FCGR2B: variants seen among roughly 807,000 people sequenced by gnomAD.
The protein encoded by FCGR2B is low affinity immunoglobulin gamma Fc region receptor II-b.
Under a neutral mutation model 24.8 loss-of-function variants are expected in FCGR2B, and 18 were observed. That is an observed-to-expected ratio of 0.73 (90% CI 0.50 to 1.08). The LOEUF (loss-of-function observed/expected upper bound fraction) is 1.08. Among genes scored for constraint, FCGR2B ranks in the 50% least tolerant of loss-of-function variants. The pLI is 0.00. For missense variants in FCGR2B, 215 were observed against 297.6 expected, an observed-to-expected ratio of 0.72 and a Z score of 2.04; for synonymous variants, 79 against 109.8, an observed-to-expected ratio of 0.72 and a Z score of 1.75.
At chr1:161,662,213 T>TG (rs1681151723), upstream of FCGR2B, among the ~76,000 whole-genome samples, 1 of 109,344 alleles carries the variant, frequency 9.1e-6, no homozygotes, top group Non-Finnish European at 1.8e-5. Flanking sequence ...TGCTAATATC[T>TG]GGGGGCATAT....
the FCGR2B span, among the ~76,000 whole-genome samples, chr1:161,654,409 A>G: frequency 2.9e-5 from 4 of 136,728 alleles, 1 homozygote; most frequent in Non-Finnish European, 5.1e-5. Flanking sequence ...CCTTTCCTCC[A>G]GGTGTAATGG....
upstream of FCGR2B, among the ~76,000 whole-genome samples, chr1:161,661,194 GAAA>G (rs1196409718): frequency 2.2e-4 from 2 of 9,026 alleles, no homozygotes; most frequent in Non-Finnish European, 4.2e-4. Context: ...AGAAAGGAAA[GAAA>G]GAAAGAAAGA....
the FCGR2B span, among the ~76,000 whole-genome samples, chr1:161,647,387 G>A: frequency 1.2e-4 from 17 of 138,780 alleles, 1 homozygote; most frequent in East Asian, 2.9e-3. Flanking sequence ...TGCAACCCCC[G>A]CCTGCCGGGT....
In FCGR2B at chr1:161,672,936, A is replaced by G. The variant is rs781589036; in HGVS notation, c.392-39A>G. The G allele has an allele frequency of 3.7e-6, 6 of 1,612,406 alleles. No individual in the cohort carries two copies. The East Asian group carries it at 1.1e-4, about 30-fold the overall frequency. On this transcript the variant is annotated intron_variant, in intron 3 of 7. Transcript: ENST00000358671. ...AGATCTGGGTCTCAGAGCTGAGCCA[A>G]GACCTCCCGGGTCCTCTGCGGTTTT...
chr1:161,654,676 T>G, the FCGR2B span, among the ~76,000 whole-genome samples: 1 of 133,724 alleles, frequency 7.5e-6, no homozygotes, highest in Non-Finnish European at 1.7e-5. Context: ...ATTAAAAATT[T>G]TAGCTGAATT....
chr1:161,649,276 G>C, the FCGR2B span, among the ~76,000 whole-genome samples: 1 of 150,866 alleles, frequency 6.6e-6, no homozygotes, highest in African/African-American at 2.5e-5. Context: ...TTACTTTTTT[G>C]CATGCTATCA....
rs1571036649 is a variant in FCGR2B at position 161,678,440 on chromosome 1, C to T, written c.*887C>T. Reference sequence around the variant, plus strand: ...TGTAGCCTAGGGGCAATAGGCTATACGCTACAGCCTAGGTGTGTAGTAGGC... The same window carrying T: ...TGTAGCCTAGGGGCAATAGGCTATATGCTACAGCCTAGGTGTGTAGTAGGC... On this transcript the variant is annotated 3_prime_UTR_variant, in exon 8 of 8. Coordinates refer to ENST00000358671, the MANE Select transcript of FCGR2B (RefSeq NM_001394477.1). 1.8e-5 allele frequency: 4 copies of T among 217,874 alleles called. No homozygotes were observed. Among genetic ancestry groups the T allele is most frequent in the East Asian group, 6.7e-5 (1 of 14,884 alleles). The allele number at this position is 217,874 out of a possible 1,614,324, so 13.5% of individuals were successfully genotyped here. A position where few individuals can be genotyped will look rare whatever the true frequency, so the allele number is the denominator to read the frequency against.
chr1:161,654,247 G>T, the FCGR2B span, among the ~76,000 whole-genome samples: 1 of 129,998 alleles, frequency 7.7e-6, no homozygotes, highest in African/African-American at 2.5e-5. Context: ...TTCTGTCCCT[G>T]GATCTTGAGG....
the FCGR2B span, among the ~76,000 whole-genome samples, chr1:161,650,890 C>G: frequency 1.9e-5 from 2 of 105,624 alleles, no homozygotes. Flanking sequence ...TCTCCTTCCC[C>G]CTCCAGTTCT....
the FCGR2B span, among the ~76,000 whole-genome samples, chr1:161,648,133 G>A: frequency 3.3e-5 from 5 of 149,862 alleles, no homozygotes; most frequent in African/African-American, 4.9e-5. Flanking sequence ...TGACAAGACC[G>A]CAATATACCT....
the FCGR2B span, among the ~76,000 whole-genome samples, chr1:161,655,240 C>G: frequency 6.6e-6 from 1 of 151,372 alleles, no homozygotes; most frequent in African/African-American, 2.4e-5. Context: ...TACAATCTCT[C>G]CTTGTTCTAA....
At chr1:161,672,672 A>C in intron 3 of FCGR2B, 1 of 470,990 alleles carries the variant, frequency 2.1e-6, no homozygotes, top group Non-Finnish European at 3.8e-6. Context: ...AAAAGGCTGC[A>C]GCTGCCTTCC....
Position 161,671,400 on chromosome 1 carries a change from C to A in FCGR2B, c.142C>A (p.Pro48Thr). The A allele has an allele frequency of 6.2e-7, 1 of 1,614,180 alleles. No individual in the cohort carries two copies. Among genetic ancestry groups the A allele is most frequent in the South Asian group, 1.1e-5 (1 of 91,084 alleles). ...CTCTCTCTGCCCCTCAGCAGCTCCC[C>A]CAAAGGCTGTGCTGAAACTCGAGCC... is the stretch of plus-strand genomic sequence containing the variant. ...APVAGTPAAPPKAVLKLEPQW... is the reference protein window; with the variant it reads ...APVAGTPAAPTKAVLKLEPQW... The change falls in exon 3 of 8, where the codon CCA (proline) becomes ACA (threonine). Residue 48 changes from proline (P) to threonine (T), a missense_variant. Pro to Thr is a conservative substitution (Grantham distance 38). Around this residue, in one of 5 missense-constraint regions of FCGR2B, gnomAD observed 77 missense variants for 68.8 expected, o/e 1.12. Coordinates refer to ENST00000358671, the MANE Select transcript of FCGR2B (RefSeq NM_001394477.1).
In FCGR2B at chr1:161,673,088, G is replaced by A; in HGVS notation, c.505G>A (p.Gly169Arg). 6.2e-7 allele frequency: 1 copy of A among 1,612,142 alleles called. No homozygotes were observed. Among genetic ancestry groups the A allele is most frequent in the Non-Finnish European group, 8.5e-7 (1 of 1,178,820 alleles). Residue 169 changes from glycine to arginine, a missense_variant, in exon 4 of 8, where the codon GGA becomes AGA. This residue lies in a region of FCGR2B where 2 missense variants were observed against 27.2 expected (regional missense o/e 0.07). Coordinates refer to ENST00000358671, the MANE Select transcript of FCGR2B (RefSeq NM_001394477.1). The part of the protein sequence containing the change: ...PLVKVTFFQN[G>R]KSKKFSRSDP... ...GGTCAAGGTCACATTCTTCCAGAAT[G>A]GAAAATCCAAGAAATTTTCCCGTTC...
rs1682232446 is a variant in FCGR2B at position 161,677,331 on chromosome 1, A to G, written c.821A>G (p.Asn274Ser). The change falls in exon 7 of 8, where the codon AAT becomes AGT. Residue 274 changes from asparagine (N) to serine (S), a missense_variant. Around this residue, in one of 5 missense-constraint regions of FCGR2B, gnomAD observed 81 missense variants for 81.6 expected, o/e 0.99. Transcript: ENST00000358671. ...MGETLPEKPANPTNPDEADKV... is the reference protein window; with the variant it reads ...MGETLPEKPASPTNPDEADKV... ...ATATTTCTTCTTTTTCCCACAGCCAATCCCACTAATCCTGATGAGGCTGAC... is the reference window on the plus strand; with the variant it reads ...ATATTTCTTCTTTTTCCCACAGCCAGTCCCACTAATCCTGATGAGGCTGAC... 1.2e-6 allele frequency: 2 copies of G among 1,613,630 alleles called. No homozygotes were observed. Among genetic ancestry groups the G allele is most frequent in the Non-Finnish European group, 1.7e-6 (2 of 1,179,862 alleles).
chr1:161,671,365 A>G (rs745633678), intron 2 of FCGR2B, 27 bp from the exon 3 acceptor site: 2 of 1,613,944 alleles, frequency 1.2e-6, no homozygotes, highest in Non-Finnish European at 1.7e-6. Context: ...CCTCTTCTTC[A>G]TGCTACCTCC....
chr1:161,676,152 C>T (rs185789574), intron 6 of FCGR2B: 25 of 229,234 alleles, frequency 1.1e-4, no homozygotes, highest in Admixed American at 9.1e-4. Flanking sequence ...AGTCAGAGCA[C>T]AAAGGAAACC....
At chr1:161,671,289 G>C in intron 2 of FCGR2B, 103 bp from the exon 3 acceptor site, 2 of 1,575,782 alleles carry the variant, frequency 1.3e-6, no homozygotes, top group Non-Finnish European at 1.7e-6. Flanking sequence ...TCGGCTTTTG[G>C]TGCCCCTAGT....
Position 161,671,511 on chromosome 1 carries a change from T to G in FCGR2B, c.253T>G (p.Phe85Val). ...HSPESDSIQW[F>V]HNGNLIPTHT... Reference sequence around the variant, plus strand: ...CCCTGAGAGCGACTCCATTCAGTGGTTCCACAATGGGAATCTCATTCCCAC... The same window carrying G: ...CCCTGAGAGCGACTCCATTCAGTGGGTCCACAATGGGAATCTCATTCCCAC... The change falls in exon 3 of 8, where the codon TTC becomes GTC. Residue 85 changes from phenylalanine to valine, a missense_variant. Phe to Val is a conservative substitution (Grantham distance 50, BLOSUM62 -1). Transcript: ENST00000358671. 1 of 1,614,148 alleles carries G rather than the reference T, an allele frequency of 6.2e-7. No homozygotes were observed.
Sources: allele counts gnomAD v4.1 joint callset (sites outside exome capture counted in the v4.1 genomes callset), GRCh38; gene constraint gnomAD v4.1.1; regional missense constraint gnomAD v4.1.1; transcripts MANE v1.5; gene names NCBI Gene and HGNC (gene_info 2026-07-23, HGNC 2026-07-21).